The following ZNF169 variants were observed in gnomAD, a reference collection of about 807,000 sequenced individuals.
ZNF169 encodes the protein zinc finger protein 169.
Under a neutral mutation model 12.0 loss-of-function variants are expected in ZNF169, and 11 were observed. That is an observed-to-expected ratio of 0.92 (90% CI 0.58 to 1.52). The LOEUF is 1.52. Ranked by LOEUF, ZNF169 falls within the 40% of genes most tolerant of loss-of-function variation. The pLI is 0.00. For synonymous variants in ZNF169, 302 were observed against 286.5 expected (o/e 1.05, Z -0.55); for missense variants, 722 against 744.0 (o/e 0.97, Z 0.34).
At chr9:94,261,265 C>T (rs1380564393) in intron 1 of ZNF169, among the ~76,000 whole-genome samples, 4 of 152,038 alleles carry the variant, frequency 2.6e-5, no homozygotes. Context: ...CCTCGTGATC[C>T]GCCCGCCTCG....
chr9:94,298,097 G>A (rs1393777049), intron 4 of ZNF169, among the ~76,000 whole-genome samples: 2 of 151,674 alleles, frequency 1.3e-5, no homozygotes, highest in Non-Finnish European at 2.9e-5. Flanking sequence ...AACCCAGGAG[G>A]TGGAGGTTGC....
intron 4 of ZNF169, chr9:94,299,339 T>C (rs1201747587): frequency 1.2e-5 from 5 of 413,498 alleles, no homozygotes; most frequent in Non-Finnish European, 2.1e-5. Context: ...GGGTGCCCCT[T>C]ACTTGAGTCA....
chr9:94,264,378 C>A (rs1277773167), intron 1 of ZNF169, among the ~76,000 whole-genome samples: 1 of 152,206 alleles, frequency 6.6e-6, no homozygotes, highest in Non-Finnish European at 1.5e-5. Flanking sequence ...AGTGATCTGT[C>A]CACCTTGGCC....
At chr9:94,268,943 T>C (rs1018289748) in intron 1 of ZNF169, among the ~76,000 whole-genome samples, 1 of 131,892 alleles carries the variant, frequency 7.6e-6, no homozygotes, top group Admixed American at 7.5e-5. Context: ...AGACAAGGTC[T>C]TAGGAAAGAA....
intron 2 of ZNF169, among the ~76,000 whole-genome samples, chr9:94,283,912 T>G (rs953740885): frequency 1.3e-5 from 2 of 149,452 alleles, no homozygotes; most frequent in Non-Finnish European, 3.0e-5. Flanking sequence ...CTACTAAAAA[T>G]ACAAAAAAAA....
intron 2 of ZNF169, among the ~76,000 whole-genome samples, chr9:94,289,376 G>C (rs1020677475): frequency 6.6e-6 from 1 of 152,176 alleles, no homozygotes; most frequent in African/African-American, 2.4e-5. Context: ...TCCAGCCTAG[G>C]TGTCAGAGTG....
chr9:94,300,577 A>C lies in ZNF169; in HGVS notation c.1019A>C (p.His340Pro), dbSNP rs200285467. Residue 340 changes from histidine to proline, a missense_variant, in exon 5 of 5, where the codon CAC becomes CCC. By Grantham distance (77) the His-to-Pro change is moderately conservative. Transcript: ENST00000395395. ...GCCCTCCTTCTACACCAGAGGACGC[A>C]CTTGGAGGAGAAGCCCTTCGTGTGT... is the stretch of plus-strand genomic sequence containing the variant. ...KIALLLHQRT[H>P]LEEKPFVCPE... is the part of the protein sequence containing the mutation. 6.2e-7 allele frequency: 1 copy of C among 1,614,092 alleles called. No homozygotes were observed. The highest frequency in any genetic ancestry group is 2.2e-5 in the East Asian group (1 of 44,848).
chr9:94,286,635 C>T (rs946880457), intron 2 of ZNF169, among the ~76,000 whole-genome samples: 1 of 151,964 alleles, frequency 6.6e-6, no homozygotes, highest in Admixed American at 6.6e-5. Flanking sequence ...TAAAATGTAC[C>T]CATTAAACTG....
chr9:94,275,816 CT>C (rs1349984436), intron 1 of ZNF169, among the ~76,000 whole-genome samples: 4 of 147,910 alleles, frequency 2.7e-5, no homozygotes, highest in Admixed American at 6.7e-5. Context: ...GACAGTCTCA[CT>C]GTCACCCAGG....
intron 2 of ZNF169, among the ~76,000 whole-genome samples, chr9:94,280,036 C>T (rs1830600124): frequency 6.6e-6 from 1 of 152,162 alleles, no homozygotes; most frequent in Non-Finnish European, 1.5e-5. Flanking sequence ...TTATCAATTA[C>T]ACAAAATATT....
At chr9:94,286,575 A>G (rs1407432787) in intron 2 of ZNF169, among the ~76,000 whole-genome samples, 1 of 152,214 alleles carries the variant, frequency 6.6e-6, no homozygotes, top group Non-Finnish European at 1.5e-5. Context: ...ACTGATATTA[A>G]CTACAGCATT....
chr9:94,267,016 C>A (rs1475503981), intron 1 of ZNF169, among the ~76,000 whole-genome samples: 2 of 151,616 alleles, frequency 1.3e-5, no homozygotes, highest in Non-Finnish European at 2.9e-5. Context: ...TCACGCCATT[C>A]TCCTGCCTCA....
At position 94,300,363 on chromosome 9, in the gene ZNF169, C is replaced by A. The variant is rs10993152; in HGVS notation, c.805C>A (p.Arg269Ser). The A allele has an allele frequency of 1.9e-6, 3 of 1,613,416 alleles. No individual in the cohort carries two copies. Among genetic ancestry groups the A allele is most frequent in the Non-Finnish European group, 2.5e-6 (3 of 1,179,834 alleles). Residue 269 changes from arginine to serine, a missense_variant, in exon 5 of 5, where the codon CGT becomes AGT. Physicochemically the swap from Arg to Ser is moderately radical, Grantham distance 110. Transcript: ENST00000395395. ...GCCATACCTGTGTCCTGAGTGTGGGCGTCGGTTTAGCCAGAAGGCCTCCCT... is the reference window on the plus strand; with the variant it reads ...GCCATACCTGTGTCCTGAGTGTGGGAGTCGGTTTAGCCAGAAGGCCTCCCT... ...EKPYLCPECG[R>S]RFSQKASLSI...
intron 1 of ZNF169, among the ~76,000 whole-genome samples, chr9:94,261,815 T>C (rs1218689317): frequency 6.6e-6 from 1 of 152,220 alleles, no homozygotes; most frequent in East Asian, 1.9e-4. Context: ...GTCATATCAT[T>C]TCATCTGTAA....
intron 2 of ZNF169, among the ~76,000 whole-genome samples, chr9:94,287,166 T>C (rs901801787): frequency 6.6e-6 from 1 of 152,208 alleles, no homozygotes; most frequent in Admixed American, 6.5e-5. Context: ...AGGGCCACCA[T>C]GTTCCCTCCA....
At chr9:94,265,074 T>A (rs1830269915) in intron 1 of ZNF169, among the ~76,000 whole-genome samples, 1 of 142,844 alleles carries the variant, frequency 7.0e-6, no homozygotes. Context: ...AATTGCCAGA[T>A]CATAGGTATG....
At chr9:94,261,653 C>T (rs1424936147) in intron 1 of ZNF169, among the ~76,000 whole-genome samples, 1 of 152,148 alleles carries the variant, frequency 6.6e-6, no homozygotes, top group Non-Finnish European at 1.5e-5. Context: ...TTGAGTGACC[C>T]TTCATAGAGT....
At position 94,292,953 on chromosome 9, in the gene ZNF169, G is replaced by GT. The variant is rs553380725; in HGVS notation, c.161-12dup. 8.4e-3 allele frequency: 12,941 copies of GT among 1,546,956 alleles called. 40 individuals carry two copies. Among genetic ancestry groups the GT allele is most frequent in the Non-Finnish European group, 0.01 (11,304 of 1,129,272 alleles). On this transcript the variant is annotated intron_variant, in intron 3 of 4. Transcript: ENST00000395395. Reference sequence around the variant, plus strand: ...AAGCCACTAACTCAAGATCACCTTGGTTTTTTTTTCCTGTGAGTAGGAATT... The same window carrying GT: ...AAGCCACTAACTCAAGATCACCTTGGTTTTTTTTTTCCTGTGAGTAGGAATT...
Position 94,300,664 on chromosome 9 carries a change from C to T in ZNF169, c.1106C>T (p.Thr369Ile). Residue 369 changes from threonine (T) to isoleucine (I), a missense_variant, in exon 5 of 5, where the codon ACA (threonine) becomes ATA (isoleucine). Transcript: ENST00000395395. ...CTCCTCCAGCACCAGAGCTCACACA[C>T]AGGGGAGAGGCCCTTCCTGTGCCTT... ...ASLLQHQSSH[T>I]GERPFLCLEC... is the part of the protein sequence containing the mutation. 1 of 1,614,028 alleles carries T rather than the reference C, an allele frequency of 6.2e-7. No homozygotes were observed. Among genetic ancestry groups the T allele is most frequent in the Non-Finnish European group, 8.5e-7 (1 of 1,179,948 alleles).
Sources: gnomAD v4.1 joint callset for allele counts (sites outside exome capture counted in the v4.1 genomes callset) on GRCh38, gnomAD v4.1.1 for gene constraint, MANE v1.5 for transcripts, NCBI Gene and HGNC (gene_info 2026-07-23, HGNC 2026-07-21) for gene names.